Variants in DYNC2H1 observed in about 807,000 individuals in gnomAD.
DYNC2H1 encodes the protein cytoplasmic dynein 2 heavy chain 1.
DYNC2H1 carries 410 observed loss-of-function variants against 570.0 expected under a neutral mutation model. The ratio of observed to expected loss-of-function variants is 0.72; its 90% CI spans 0.66 to 0.78. The LOEUF is 0.78. DYNC2H1 is among the 30% of genes least tolerant of loss of function. The probability of loss-of-function intolerance (pLI) is 0.00; values close to 1 mark genes in which losing one functional copy is unlikely to be tolerated. For synonymous variants in DYNC2H1, 1,688 were observed against 1,677.6 expected (o/e 1.01, Z -0.15); for missense variants, 4,865 against 5,046.4 (o/e 0.96, Z 1.09).
intron 84 of DYNC2H1, among the ~76,000 whole-genome samples, chr11:103,435,276 C>T (rs1179490165): frequency 1.3e-5 from 2 of 152,056 alleles, no homozygotes; most frequent in African/African-American, 4.8e-5. Flanking sequence ...CTTATTACCA[C>T]ACTTCAGAAA....
rs1862731485 is a variant in DYNC2H1, at chr11:103,201,887, C to A, written c.8197+1733C>A. 6.6e-6 allele frequency among the ~76,000 whole-genome samples: 1 copy of A among 152,022 alleles called. No homozygotes were observed. On this transcript the variant is annotated intron_variant, in intron 50 of 88. Coordinates refer to ENST00000375735, the MANE Select transcript of DYNC2H1 (RefSeq NM_001377.3). This position sits in a 1 kb window ranked among gnomAD's most constrained non-coding sequence, Gnocchi z 4.8. ...TTTTGTTATTTAAGTACAAAATAAA[C>A]CTTAAAAACTAGTTTCAATTGTATG...
At chr11:103,290,655 A>C (rs1445566924) in intron 75 of DYNC2H1, among the ~76,000 whole-genome samples, 2 of 151,984 alleles carry the variant, frequency 1.3e-5, no homozygotes, top group Non-Finnish European at 2.9e-5. Flanking sequence ...TCAATCTTGC[A>C]GTTTGTCTCT....
chr11:103,216,035 T>C, intron 55 of DYNC2H1, 177 bp downstream of exon 55: 1 of 683,312 alleles, frequency 1.5e-6, no homozygotes, highest in East Asian at 2.9e-5. Flanking sequence ...TTTCCTATAT[T>C]GTTTAGACTG....
intron 79 of DYNC2H1, among the ~76,000 whole-genome samples, chr11:103,312,559 AAAAAAAAC>A (rs1238671165): frequency 7.0e-6 from 1 of 142,046 alleles, no homozygotes; most frequent in East Asian, 2.1e-4. Context: ...AAAAAAAAAA[AAAAAAAAC>A]CAATTGTAAT....
chr11:103,345,068 CA>C (rs1939671586), intron 82 of DYNC2H1, among the ~76,000 whole-genome samples: 1 of 152,144 alleles, frequency 6.6e-6, no homozygotes, highest in Non-Finnish European at 1.5e-5. Flanking sequence ...TGCCCAAAAA[CA>C]TATTGTTTTG....
chr11:103,218,091 A>G (rs1340047972), intron 55 of DYNC2H1, among the ~76,000 whole-genome samples: 2 of 152,224 alleles, frequency 1.3e-5, no homozygotes. Flanking sequence ...GGCCGTGTGG[A>G]GCATCTGGAA....
chr11:103,241,468 T>C lies in DYNC2H1; in HGVS notation c.9820-2225T>C, dbSNP rs763185850. The C allele has an allele frequency of 6.6e-6, 10 of 1,506,242 alleles. No individual in the cohort carries two copies. The South Asian group carries it at 1.2e-4, about 18-fold the overall frequency. The allele number at this position is 1,506,242 out of a possible 1,614,324, so 93.3% of individuals were successfully genotyped here. A position where few individuals can be genotyped will look rare whatever the true frequency, so the allele number is the denominator to read the frequency against. On this transcript the variant is annotated intron_variant, in intron 63 of 88. Transcript: ENST00000375735. This position sits in a 1 kb window ranked among gnomAD's most constrained non-coding sequence, Gnocchi z 5.1. ...TACCCTTTGAAAAACTTAAGCATGT[T>C]TTCTTTGCTAAAAACATTTTGAAAT...
intron 80 of DYNC2H1, among the ~76,000 whole-genome samples, chr11:103,320,458 C>A (rs932882845): frequency 1.8e-4 from 27 of 152,136 alleles, no homozygotes; most frequent in Non-Finnish European, 2.4e-4. Context: ...TATTACATTT[C>A]TCTTCTATTA....
At chr11:103,327,093 C>A (rs751575630) in intron 82 of DYNC2H1, among the ~76,000 whole-genome samples, 10 of 152,056 alleles carry the variant, frequency 6.6e-5, no homozygotes, top group Non-Finnish European at 1.3e-4. Context: ...GGAACAGCCC[C>A]GAGCATTATG....
intron 42 of DYNC2H1, 82 bp from the exon 43 acceptor site, chr11:103,187,258 A>G: frequency 6.5e-7 from 1 of 1,538,930 alleles, no homozygotes; most frequent in Non-Finnish European, 8.8e-7. Context: ...AATATTTATG[A>G]GATAGAAATT....
intron 20 of DYNC2H1, among the ~76,000 whole-genome samples, chr11:103,149,875 G>C (rs934433842): frequency 1.3e-5 from 2 of 152,048 alleles, no homozygotes; most frequent in African/African-American, 4.8e-5. Flanking sequence ...TATTACTTAG[G>C]GTGGGTGATC....
intron 75 of DYNC2H1, among the ~76,000 whole-genome samples, chr11:103,291,730 A>G (rs1273918266): frequency 6.6e-6 from 1 of 152,140 alleles, no homozygotes; most frequent in African/African-American, 2.4e-5. Context: ...TTATATCTGG[A>G]TACTCCAGTG....
intron 83 of DYNC2H1, among the ~76,000 whole-genome samples, chr11:103,392,604 T>A (rs1942208557): frequency 1.3e-5 from 2 of 152,118 alleles, no homozygotes; most frequent in Non-Finnish European, 2.9e-5. Flanking sequence ...ACTGGAGCTG[T>A]TCCTATTCGG....
chr11:103,196,637 A>G (rs1035109957), intron 47 of DYNC2H1, among the ~76,000 whole-genome samples: 1 of 152,152 alleles, frequency 6.6e-6, no homozygotes, highest in South Asian at 2.1e-4. Flanking sequence ...TTAAAAGACT[A>G]GAAGGCTGAA....
chr11:103,312,182 A>G (rs1198447772), intron 79 of DYNC2H1, 149 bp downstream of exon 79: 1 of 690,492 alleles, frequency 1.4e-6, no homozygotes, highest in East Asian at 3.0e-5. Flanking sequence ...GGAGTTTGAG[A>G]CCAGCCTGAC....
At chr11:103,448,531 C>A (rs1944499480) in intron 85 of DYNC2H1, among the ~76,000 whole-genome samples, 1 of 151,976 alleles carries the variant, frequency 6.6e-6, no homozygotes, top group South Asian at 2.1e-4. Flanking sequence ...TATTTCTGTG[C>A]CTTAGGAGGG....
chr11:103,297,128 C>T (rs1489999926), intron 75 of DYNC2H1, among the ~76,000 whole-genome samples: 1 of 151,782 alleles, frequency 6.6e-6, no homozygotes, highest in Non-Finnish European at 1.5e-5. Context: ...TATTTCCAGC[C>T]CTGGAATTCT....
chr11:103,336,047 T>C (rs1030367578), intron 82 of DYNC2H1, among the ~76,000 whole-genome samples: 1 of 152,206 alleles, frequency 6.6e-6, no homozygotes, highest in Admixed American at 6.5e-5. Context: ...TCAGTCGCTT[T>C]TCTCCATAAA....
At position 103,161,054 on chromosome 11, in the gene DYNC2H1, T is replaced by G. The variant is rs1861071018; in HGVS notation, c.4491+10T>G. On this transcript the variant is annotated intron_variant, in intron 29 of 88. Coordinates refer to ENST00000375735, the MANE Select transcript of DYNC2H1 (RefSeq NM_001377.3). ...ATCAAATAATGTAGAGGTAAGCAAT[T>G]CTTTTTCAAATATGAAAACAAAAAG... The G allele has an allele frequency of 7.4e-7, 1 of 1,350,128 alleles. No individual in the cohort carries two copies. Among genetic ancestry groups the G allele is most frequent in the Non-Finnish European group, 9.9e-7 (1 of 1,005,032 alleles). The allele number at this position is 1,350,128 out of a possible 1,614,324, so 83.6% of individuals were successfully genotyped here.
Sources: gnomAD v4.1 joint callset for allele counts (sites outside exome capture counted in the v4.1 genomes callset) on GRCh38, gnomAD v4.1.1 for gene constraint, Gnocchi (gnomAD v3.1) non-coding constraint, MANE v1.5 for transcripts, NCBI Gene and HGNC (gene_info 2026-07-23, HGNC 2026-07-21) for gene names.